SLC24A4: variants seen among roughly 807,000 people sequenced by gnomAD.
SLC24A4 encodes sodium/potassium/calcium exchanger 4.
A neutral mutation model predicts 79.0 loss-of-function variants in SLC24A4; 53 were observed. The observed-to-expected ratio is 0.67, with a 90% CI of 0.54 to 0.84. The LOEUF (loss-of-function observed/expected upper bound fraction) is 0.84. Among genes scored for constraint, SLC24A4 ranks in the 40% least tolerant of loss-of-function variants. The pLI is 0.00. For synonymous variants in SLC24A4, 323 were observed against 323.8 expected, an observed-to-expected ratio of 1.00 and a Z score of 0.03; for missense variants, 731 against 822.0, an observed-to-expected ratio of 0.89 and a Z score of 1.35.
At position 92,484,405 on chromosome 14, in the gene SLC24A4, G is replaced by A. The variant is rs184562803; in HGVS notation, c.1422+1559G>A. The A allele has an allele frequency of 8.1e-6, 8 of 985,312 alleles. No individual in the cohort carries two copies. In the East Asian group the frequency reaches 5.7e-4, roughly 70 times the overall value. The allele number at this position is 985,312 out of a possible 1,614,324, so 61.0% of individuals were successfully genotyped here. On this transcript the variant is annotated intron_variant, in intron 13 of 16. Transcript: ENST00000532405. ...CAGCTGGTGGAAGGTGCTGCCCCCA[G>A]CCTGTTCCCTTTCTCCCTTTCTTCT...
chr14:92,342,092 C>A (rs1004423527), intron 2 of SLC24A4, among the ~76,000 whole-genome samples: 1 of 152,042 alleles, frequency 6.6e-6, no homozygotes, highest in African/African-American at 2.4e-5. Context: ...ATGTTGCTGC[C>A]TCTTCCACAG....
intron 2 of SLC24A4, among the ~76,000 whole-genome samples, chr14:92,336,026 G>C (rs907037315): frequency 2.0e-5 from 3 of 152,098 alleles, no homozygotes; most frequent in Non-Finnish European, 4.4e-5. Context: ...AATGATCGGG[G>C]CTATCTGCTT....
intron 2 of SLC24A4, among the ~76,000 whole-genome samples, chr14:92,376,179 G>T (rs1270411518): frequency 6.6e-6 from 1 of 152,340 alleles, no homozygotes. Flanking sequence ...GCAGACGAGG[G>T]TTCAAATCCT....
At chr14:92,454,133 G>C (rs1379442639) in intron 11 of SLC24A4, 64 bp downstream of exon 11, 1 of 1,529,674 alleles carries the variant, frequency 6.5e-7, no homozygotes, top group Non-Finnish European at 8.9e-7. Context: ...TGGCTTGTTA[G>C]GGCTCTTCCT....
intron 2 of SLC24A4, among the ~76,000 whole-genome samples, chr14:92,396,417 G>T (rs1272898807): frequency 2.0e-5 from 3 of 152,222 alleles, no homozygotes; most frequent in East Asian, 1.9e-4. Flanking sequence ...AACAGATGAG[G>T]TTGGGTGAGC....
chr14:92,427,044 T>C (rs1891601304), intron 2 of SLC24A4, among the ~76,000 whole-genome samples: 1 of 152,222 alleles, frequency 6.6e-6, no homozygotes, highest in Non-Finnish European at 1.5e-5. Flanking sequence ...GAGAATTGAC[T>C]AATTGAAAGG....
In SLC24A4 at chr14:92,447,379, G is replaced by T. The variant is rs774182604; in HGVS notation, c.692G>T (p.Gly231Val). 5.6e-6 allele frequency: 9 copies of T among 1,613,972 alleles called. No individual in the cohort carries two copies. Among genetic ancestry groups the T allele is most frequent in the Admixed American group, 1.7e-5 (1 of 60,008 alleles). ...TCCTTTCTCTCTTTGAGGTGGGAAGGCCTGGTGCTCATCATCTTGTATGTG... is the reference window on the plus strand; with the variant it reads ...TCCTTTCTCTCTTTGAGGTGGGAAGTCCTGGTGCTCATCATCTTGTATGTG... Reference protein sequence around the residue: ...IYDEQIVWWEGLVLIILYVFY... With the variant: ...IYDEQIVWWEVLVLIILYVFY... The change falls in exon 9 of 17, where the codon GGC becomes GTC. Residue 231 changes from glycine to valine, a missense_variant. Coordinates refer to ENST00000532405, the MANE Select transcript of SLC24A4 (RefSeq NM_153646.4).
chr14:92,443,472 G>A lies in SLC24A4; in HGVS notation c.655G>A (p.Val219Met), dbSNP rs146818489. ...YYTISVIVLI[V>M]FIYDEQIVWW... ...CACCATCTCTGTCATCGTGCTCATC[G>A]TGGTGAGTTGCCCCTCTGCCCCCAA... The change falls in exon 7 of 17, where the codon GTG (valine) becomes ATG (methionine). Residue 219 changes from valine to methionine, a missense_variant and splice_region_variant. By Grantham distance (21) the Val-to-Met change is conservative. Transcript: ENST00000532405. 687 of 1,614,160 alleles carry A rather than the reference G, an allele frequency of 4.3e-4. 3 individuals carry two copies. In the African/African-American group the frequency reaches 7.4e-3, roughly 17 times the overall value.
At chr14:92,469,426 A>C (rs12897398) in intron 12 of SLC24A4, among the ~76,000 whole-genome samples, 2 of 151,304 alleles carry the variant, frequency 1.3e-5, no homozygotes, top group Non-Finnish European at 2.9e-5. Context: ...GGAGAATGGC[A>C]TGAACCCGGG....
Position 92,439,374 on chromosome 14 carries a change from G to T in SLC24A4, c.358G>T (p.Asp120Tyr). 1 of 1,613,140 alleles carries T rather than the reference G, an allele frequency of 6.2e-7. No homozygotes were observed. Among genetic ancestry groups the T allele is most frequent in the Non-Finnish European group, 8.5e-7 (1 of 1,179,230 alleles). The change falls in exon 4 of 17, where the codon GAC becomes TAC. Residue 120 changes from aspartate (D) to tyrosine (Y), a missense_variant. By Grantham distance (160) the Asp-to-Tyr change is radical. Transcript: ENST00000532405. ...CTATGCCTTGGCCATAGTGTGCGAT[G>T]ACTTCTTTGTTCCGTCTCTAGAGAA... ...MFYALAIVCD[D>Y]FFVPSLEKIC...
rs1484370071 is a variant in SLC24A4 at position 92,495,587 on chromosome 14, C to T, written c.*1959C>T. The T allele has an allele frequency of 3.3e-5, 5 of 152,234 alleles. No homozygotes were observed. Among genetic ancestry groups the T allele is most frequent in the Non-Finnish European group, 7.3e-5 (5 of 68,070 alleles). 9.4% of individuals were successfully genotyped at this position (152,234 alleles called of 1,614,324 possible). A position where few individuals can be genotyped will look rare whatever the true frequency, so the allele number is the denominator to read the frequency against. On this transcript the variant is annotated 3_prime_UTR_variant, in exon 17 of 17. Coordinates refer to ENST00000532405, the MANE Select transcript of SLC24A4 (RefSeq NM_153646.4). ...CCTGGTTCCTCCGATCTTACAGGCT[C>T]ATCCAGGTTCCAAAGTGCTTCTGTC...
intron 13 of SLC24A4, chr14:92,483,953 C>A: frequency 8.1e-7 from 1 of 1,239,622 alleles, no homozygotes; most frequent in Non-Finnish European, 1.0e-6. Context: ...TCCAGAGAAA[C>A]CGTGTCGTTT....
rs1270960139 is a variant in SLC24A4 at position 92,494,303 on chromosome 14, T to C, written c.*675T>C. The C allele has an allele frequency of 1.3e-5, 2 of 152,656 alleles. No homozygotes were observed. Among genetic ancestry groups the C allele is most frequent in the Non-Finnish European group, 2.9e-5 (2 of 68,074 alleles). The allele number at this position is 152,656 out of a possible 1,614,324, so 9.5% of individuals were successfully genotyped here. A position where few individuals can be genotyped will look rare whatever the true frequency, so the allele number is the denominator to read the frequency against. On this transcript the variant is annotated 3_prime_UTR_variant, in exon 17 of 17. Transcript: ENST00000532405. The surrounding 1 kb of genome is among the most constrained non-coding windows in gnomAD (Gnocchi z 4.6). The stretch of plus-strand genomic sequence containing the variant: ...ATTGATGCATTCAGAGAATAAGCAA[T>C]GAAATATTAAAAAATGAAACATCAT...
intron 12 of SLC24A4, among the ~76,000 whole-genome samples, chr14:92,478,538 G>A (rs1449060115): frequency 1.3e-5 from 2 of 151,888 alleles, no homozygotes; most frequent in Non-Finnish European, 2.9e-5. Context: ...AAATATCTGG[G>A]TTTATTTCTG....
intron 2 of SLC24A4, among the ~76,000 whole-genome samples, chr14:92,348,294 A>T (rs1886656825): frequency 6.6e-6 from 1 of 152,226 alleles, no homozygotes; most frequent in South Asian, 2.1e-4. Flanking sequence ...GGTGCCTGGG[A>T]CTTAAACATT....
chr14:92,415,735 G>A (rs1403649919), intron 2 of SLC24A4, among the ~76,000 whole-genome samples: 1 of 152,168 alleles, frequency 6.6e-6, no homozygotes, highest in East Asian at 1.9e-4. Flanking sequence ...TGGGATTACA[G>A]GCATGAACCA....
intron 2 of SLC24A4, among the ~76,000 whole-genome samples, chr14:92,349,053 A>G (rs958543882): frequency 2.8e-4 from 43 of 152,020 alleles, no homozygotes; most frequent in Admixed American, 1.2e-3. Flanking sequence ...CAAAAAGGGG[A>G]AAATGGGATA....
At chr14:92,342,363 C>CATTTATTT (rs10664923) in intron 2 of SLC24A4, among the ~76,000 whole-genome samples, 9,423 of 137,770 alleles carry the variant, frequency 0.068, 420 homozygotes, top group East Asian at 0.16. Flanking sequence ...TTTTTTTCCC[C>CATTTATTT]ATTTATTTAT....
At chr14:92,334,954 T>C (rs978174779) in intron 2 of SLC24A4, among the ~76,000 whole-genome samples, 3 of 152,100 alleles carry the variant, frequency 2.0e-5, no homozygotes, top group African/African-American at 7.2e-5. Flanking sequence ...GGGTACCCTA[T>C]GTTGGGCGCT....
Sources: allele counts gnomAD v4.1 joint callset (sites outside exome capture counted in the v4.1 genomes callset), GRCh38; gene constraint gnomAD v4.1.1; non-coding constraint Gnocchi (gnomAD v3.1); transcripts MANE v1.5; gene names NCBI Gene and HGNC (gene_info 2026-07-23, HGNC 2026-07-21).